Variants in ENTPD5 observed in about 807,000 individuals in gnomAD.
The protein encoded by ENTPD5 is ectonucleoside triphosphate diphosphohydrolase 5 (inactive).
Under a neutral mutation model 60.2 loss-of-function variants are expected in ENTPD5, and 49 were observed. That is an observed-to-expected ratio of 0.81 (90% CI 0.65 to 1.03). ENTPD5 has a LOEUF of 1.03. ENTPD5 is among the 50% of genes least tolerant of loss of function. The pLI, the probability that ENTPD5 is intolerant of heterozygous loss-of-function variation, is 0.00. For synonymous variants in ENTPD5, 187 were observed against 185.4 expected (o/e 1.01, Z -0.07); for missense variants, 480 against 507.6 (o/e 0.95, Z 0.52).
downstream of ENTPD5, chr14:73,961,235 C>T (rs1007858755): frequency 2.5e-6 from 4 of 1,614,034 alleles, no homozygotes; most frequent in Non-Finnish European, 3.4e-6. Flanking sequence ...AGTATGCTGT[C>T]AGCCTTCTGA....
chr14:73,961,803 C>T, downstream of ENTPD5: 2 of 1,614,184 alleles, frequency 1.2e-6, no homozygotes, highest in Non-Finnish European at 1.7e-6. Context: ...CTTCTGGCTG[C>T]TACAGACTTA....
chr14:74,002,912 C>G (rs1037682990), intron 3 of ENTPD5, among the ~76,000 whole-genome samples: 1 of 152,168 alleles, frequency 6.6e-6, no homozygotes, highest in Non-Finnish European at 1.5e-5. Context: ...ATAGTTTTCA[C>G]CTTACTCTCC....
intron 3 of ENTPD5, among the ~76,000 whole-genome samples, chr14:73,991,077 A>G (rs2058108146): frequency 6.6e-6 from 1 of 152,158 alleles, no homozygotes; most frequent in Admixed American, 6.5e-5. Flanking sequence ...GAATGGAATA[A>G]TGGCATCCAT....
intron 11 of ENTPD5, 59 bp downstream of exon 11, chr14:73,974,865 C>CA (rs982333763): frequency 1.5e-6 from 2 of 1,350,334 alleles, no homozygotes; most frequent in African/African-American, 2.9e-5. Flanking sequence ...AGGGAAGAAG[C>CA]AAGCGGAGTA....
chr14:74,000,897 T>C (rs1458901183), intron 3 of ENTPD5, among the ~76,000 whole-genome samples: 1 of 151,986 alleles, frequency 6.6e-6, no homozygotes, highest in African/African-American at 2.4e-5. Context: ...AAAAAGATGA[T>C]AGGAAAAGTA....
At position 73,986,798 on chromosome 14, in the gene ENTPD5, A is replaced by T; in HGVS notation, c.297+16T>A. 1 of 1,600,972 alleles carries T rather than the reference A, an allele frequency of 6.2e-7. No homozygotes were observed. The highest frequency in any genetic ancestry group is 8.6e-7 in the Non-Finnish European group (1 of 1,168,510). On this transcript the variant is annotated intron_variant, in intron 5 of 15. Coordinates refer to ENST00000334696, the MANE Select transcript of ENTPD5 (RefSeq NM_001249.5). ...AAGGCATTGAGAATCTAAACATCAA[A>T]TCATAAGAAACTCACCTGCTTAGGT...
chr14:73,971,992 C>A, intron 13 of ENTPD5, 84 bp from the exon 14 acceptor site: 1 of 831,606 alleles, frequency 1.2e-6, no homozygotes, highest in Non-Finnish European at 2.1e-6. Flanking sequence ...ATTATATACA[C>A]ATGTACATAA....
intron 3 of ENTPD5, among the ~76,000 whole-genome samples, chr14:74,004,314 C>A (rs1030524331): frequency 1.3e-5 from 2 of 151,942 alleles, no homozygotes; most frequent in Admixed American, 6.6e-5. Flanking sequence ...ACTACAGGCA[C>A]CCCCCACCAC....
downstream of ENTPD5, chr14:73,959,274 C>T (rs576411727): frequency 6.2e-7 from 1 of 1,614,228 alleles, no homozygotes; most frequent in Admixed American, 1.7e-5. Context: ...AGCCTTTCCT[C>T]TTCACTTTCT....
intron 14 of ENTPD5, 38 bp downstream of exon 14, chr14:73,971,814 T>A (rs1479078530): frequency 4.0e-6 from 6 of 1,482,342 alleles, no homozygotes; most frequent in Non-Finnish European, 5.7e-6. Flanking sequence ...GCAGGCAGTC[T>A]CACAGGCTTA....
At chr14:74,001,292 A>C (rs1365383489) in intron 3 of ENTPD5, among the ~76,000 whole-genome samples, 1 of 152,130 alleles carries the variant, frequency 6.6e-6, no homozygotes, top group Non-Finnish European at 1.5e-5. Flanking sequence ...CACGAGGTCA[A>C]GAGATCGAGA....
At chr14:74,003,565 T>C (rs1270050814) in intron 3 of ENTPD5, 1 of 661,344 alleles carries the variant, frequency 1.5e-6, no homozygotes, top group Non-Finnish European at 2.7e-6. Context: ...TGGGACTGCA[T>C]GCTATTGTGT....
Position 73,993,602 on chromosome 14 carries a change from T to C in ENTPD5, c.-70-5430A>G, listed in dbSNP as rs2058225782. The stretch of plus-strand genomic sequence containing the variant: ...GCTGATTCTTTTACAGCAAATGAGC[T>C]AGACATGTAGATCAAACTAAATAAC... On this transcript the variant is annotated intron_variant, in intron 3 of 15. Coordinates refer to ENST00000334696, the MANE Select transcript of ENTPD5 (RefSeq NM_001249.5). Among the ~76,000 whole-genome samples, 3 of 152,214 alleles carry C rather than the reference T, an allele frequency of 2.0e-5. 1 individual carries two copies. Among genetic ancestry groups the C allele is most frequent in the Admixed American group, 2.0e-4 (3 of 15,274 alleles).
At chr14:73,962,265 G>A (rs971805714), downstream of ENTPD5, among the ~76,000 whole-genome samples, 2 of 152,030 alleles carry the variant, frequency 1.3e-5, no homozygotes, top group African/African-American at 4.8e-5. Flanking sequence ...TAATTTCTTT[G>A]AATTAATTTT....
intron 12 of ENTPD5, among the ~76,000 whole-genome samples, chr14:73,973,477 G>A (rs985532450): frequency 5.3e-5 from 8 of 152,144 alleles, no homozygotes; most frequent in Non-Finnish European, 1.0e-4. Flanking sequence ...TGCTGCATTA[G>A]ACCTAGGCTT....
At chr14:73,976,081 C>T in intron 9 of ENTPD5, 66 bp from the exon 10 acceptor site, 1 of 1,326,514 alleles carries the variant, frequency 7.5e-7, no homozygotes, top group Non-Finnish European at 1.1e-6. Context: ...TTCACACCAC[C>T]ACCCGTCCCT....
intron 1 of ENTPD5, chr14:74,018,717 A>ACCTCGGTGGCAGCACT (rs970653683): frequency 1.3e-5 from 2 of 151,634 alleles, no homozygotes; most frequent in African/African-American, 4.9e-5. Flanking sequence ...CCTGCTCCCG[A>ACCTCGGTGGCAGCACT]CCTCGGTGGC....
intron 3 of ENTPD5, among the ~76,000 whole-genome samples, chr14:74,005,369 A>AAAAAAAAAAAAAAG (rs1404172423): frequency 0.015 from 2,265 of 149,438 alleles, 117 homozygotes; most frequent in African/African-American, 0.054. Context: ...GGTCTCAAAA[A>AAAAAAAAAAAAAAG]AAAAGAAAAG....
intron 5 of ENTPD5, among the ~76,000 whole-genome samples, chr14:73,986,009 T>C (rs1021006593): frequency 6.7e-6 from 1 of 149,476 alleles, no homozygotes; most frequent in African/African-American, 2.5e-5. Context: ...GAGGCAGAGG[T>C]TGTAGTAAGC....
Sources: allele counts gnomAD v4.1 joint callset (sites outside exome capture counted in the v4.1 genomes callset), GRCh38; gene constraint gnomAD v4.1.1; transcripts MANE v1.5; gene names NCBI Gene and HGNC (gene_info 2026-07-23, HGNC 2026-07-21).